Variants in KANSL1 observed in about 807,000 individuals in gnomAD.
The protein encoded by KANSL1 is KAT8 regulatory NSL complex subunit 1.
KANSL1 carries 22 observed loss-of-function variants against 103.6 expected under a neutral mutation model. The observed-to-expected ratio is 0.21, with a 90% CI of 0.15 to 0.30. KANSL1 has a LOEUF of 0.30. Among genes scored for constraint, KANSL1 ranks in the 10% least tolerant of loss-of-function variants. KANSL1 has a pLI of 1.00. For missense variants in KANSL1, 1,337 were observed against 1,399.8 expected (o/e 0.96, Z 0.72); for synonymous variants, 600 against 527.6 (o/e 1.14, Z -1.88).
intron 3 of KANSL1, chr17:46,093,525 A>T (rs890639376): frequency 6.6e-6 from 1 of 152,658 alleles, no homozygotes; most frequent in African/African-American, 2.4e-5. Context: ...GAAAGAAGCT[A>T]TAAGTCCGCA....
upstream of KANSL1, among the ~76,000 whole-genome samples, chr17:46,194,377 C>A (rs2047532073): frequency 6.6e-6 from 1 of 152,260 alleles, no homozygotes; most frequent in African/African-American, 2.4e-5. Context: ...AAGCCAACTT[C>A]CCACCTCGTT....
intron 2 of KANSL1, among the ~76,000 whole-genome samples, chr17:46,149,790 G>T (rs929763580): frequency 9.9e-5 from 15 of 151,960 alleles, no homozygotes; most frequent in African/African-American, 3.4e-4. Flanking sequence ...GGTGGATCAC[G>T]AGGTCAGGAG....
intron 1 of KANSL1, 129 bp from the exon 2 acceptor site, chr17:46,172,361 T>A: frequency 1.7e-6 from 1 of 574,406 alleles, no homozygotes; most frequent in Admixed American, 3.6e-5. Flanking sequence ...TGGAGCTAAC[T>A]GTACCACAGT....
intron 6 of KANSL1, among the ~76,000 whole-genome samples, chr17:46,053,485 G>C (rs941523556): frequency 2.0e-5 from 3 of 150,580 alleles, no homozygotes; most frequent in South Asian, 2.1e-4. Context: ...GTCTTGCTCT[G>C]TCACCCAGGC....
At chr17:46,050,354 C>T (rs1326104561) in intron 7 of KANSL1, 179 bp downstream of exon 7, 2 of 599,828 alleles carry the variant, frequency 3.3e-6, no homozygotes, top group South Asian at 4.4e-5. Flanking sequence ...CTTTTAGTGG[C>T]ACCTTCTGGT....
In KANSL1 at chr17:46,170,758, T is replaced by A. The variant is rs2046240747; in HGVS notation, c.1289+97A>T. On this transcript the variant is annotated intron_variant, in intron 2 of 14. Transcript: ENST00000432791. ...AAAACAAACAGAACCTAGACACCTA[T>A]GTACAAAGAATCACATTCTCTCCAT... 5.3e-6 allele frequency: 7 copies of A among 1,322,674 alleles called. No individual in the cohort carries two copies. In the Admixed American group the frequency reaches 1.4e-4, roughly 26 times the overall value. The allele number at this position is 1,322,674 out of a possible 1,614,324, so 81.9% of individuals were successfully genotyped here.
intron 3 of KANSL1, among the ~76,000 whole-genome samples, chr17:46,090,733 T>TA (rs2079351303): frequency 6.6e-6 from 1 of 152,242 alleles, no homozygotes; most frequent in Admixed American, 6.5e-5. Flanking sequence ...ACAGACCACA[T>TA]ATACAATGAT....
chr17:46,031,760 TCC>T, intron 14 of KANSL1, 57 bp from the exon 15 acceptor site: 1 of 1,453,814 alleles, frequency 6.9e-7, no homozygotes, highest in Admixed American at 1.9e-5. Context: ...TGCTTCCTGC[TCC>T]AAGGCCCTGC....
chr17:46,148,688 T>C (rs572079931), intron 2 of KANSL1, among the ~76,000 whole-genome samples: 61 of 151,802 alleles, frequency 4.0e-4, no homozygotes, highest in Non-Finnish European at 7.1e-4. Flanking sequence ...CTGGGTTCAA[T>C]TGATTCTCCT....
chr17:46,151,343 A>C (rs1229983189), intron 2 of KANSL1, among the ~76,000 whole-genome samples: 1 of 152,018 alleles, frequency 6.6e-6, no homozygotes, highest in Non-Finnish European at 1.5e-5. Context: ...TGTTCTCTAC[A>C]CCTTGAATGC....
At chr17:46,148,591 T>A (rs866792117) in intron 2 of KANSL1, among the ~76,000 whole-genome samples, 1 of 103,858 alleles carries the variant, frequency 9.6e-6, no homozygotes, top group African/African-American at 3.0e-5. Context: ...TTCACTTACC[T>A]TTTTTTTTTT....
chr17:46,130,203 A>AAAAAAAAAAAAAAAAAAAAAAAAAAC (rs2043790992), intron 2 of KANSL1, among the ~76,000 whole-genome samples: 1 of 151,436 alleles, frequency 6.6e-6, no homozygotes, highest in Non-Finnish European at 1.5e-5. Context: ...AAAAAAAAAA[A>AAAAAAAAAAAAAAAAAAAAAAAAAAC]AAAAAGGAAT....
intron 7 of KANSL1, chr17:46,043,102 G>A (rs1360708105): frequency 1.3e-5 from 2 of 152,124 alleles, no homozygotes; most frequent in African/African-American, 4.8e-5. Context: ...GGGCTGAGCT[G>A]GAATGTATAA....
At chr17:46,164,417 C>T (rs529390377) in intron 2 of KANSL1, among the ~76,000 whole-genome samples, 5 of 152,350 alleles carry the variant, frequency 3.3e-5, no homozygotes, top group Non-Finnish European at 5.9e-5. Flanking sequence ...TGCCACTTGA[C>T]GTCATGTGCA....
At chr17:46,046,528 CAAAAAAAAAAAAA>C (rs58711350) in intron 7 of KANSL1, among the ~76,000 whole-genome samples, 52 of 33,176 alleles carry the variant, frequency 1.6e-3, no homozygotes, top group African/African-American at 7.0e-3. Flanking sequence ...GAGACTCTGT[CAAAAAAAAAAAAA>C]AAAAAAAAAA....
chr17:46,039,358 T>C (rs2077246144), intron 8 of KANSL1, 143 bp from the exon 9 acceptor site: 6 of 741,614 alleles, frequency 8.1e-6, no homozygotes, highest in South Asian at 4.4e-5. Flanking sequence ...AAGTTTCTAG[T>C]AATTTGCACA....
intron 7 of KANSL1, chr17:46,040,154 C>A (rs930345884): frequency 2.4e-6 from 1 of 410,136 alleles, no homozygotes; most frequent in Non-Finnish European, 4.3e-6. Flanking sequence ...GTTCTTGTAT[C>A]CTTGTTTGTT....
At chr17:46,060,231 G>T (rs2078109173) in intron 6 of KANSL1, among the ~76,000 whole-genome samples, 1 of 152,146 alleles carries the variant, frequency 6.6e-6, no homozygotes, top group African/African-American at 2.4e-5. Context: ...TCAAGGACAG[G>T]TTATAATCAT....
intron 2 of KANSL1, chr17:46,152,964 T>C (rs2045203051): frequency 6.6e-6 from 1 of 152,252 alleles, no homozygotes; most frequent in Non-Finnish European, 1.5e-5. Flanking sequence ...TGTATGGAGA[T>C]ACCTGCTGAC....
Sources: gnomAD v4.1 joint callset for allele counts (sites outside exome capture counted in the v4.1 genomes callset) on GRCh38, gnomAD v4.1.1 for gene constraint, MANE v1.5 for transcripts, NCBI Gene and HGNC (gene_info 2026-07-23, HGNC 2026-07-21) for gene names.